Variants in ATP11A observed in about 807,000 individuals in gnomAD.
The protein encoded by ATP11A is ATPase phospholipid transporting 11A.
Under a neutral mutation model 154.4 loss-of-function variants are expected in ATP11A, and 81 were observed. The observed-to-expected ratio is 0.52, with a 90% CI of 0.44 to 0.63. ATP11A has a LOEUF of 0.63. Ranked by LOEUF, ATP11A falls within the 30% of genes least tolerant of loss-of-function variation. The pLI, the probability that ATP11A is intolerant of heterozygous loss-of-function variation, is 0.00. For synonymous variants in ATP11A, 623 were observed against 585.9 expected (o/e 1.06, Z -0.91); for missense variants, 1,316 against 1,474.3 (o/e 0.89, Z 1.76).
At chr13:112,731,945 G>GGA (rs1890528654) in intron 1 of ATP11A, among the ~76,000 whole-genome samples, 1 of 143,178 alleles carries the variant, frequency 7.0e-6, no homozygotes, top group East Asian at 2.1e-4. Flanking sequence ...GGCGGGGGGG[G>GGA]GCAGGTGGCC....
intron 1 of ATP11A, among the ~76,000 whole-genome samples, chr13:112,770,764 C>T (rs1051817632): frequency 1.3e-5 from 2 of 152,212 alleles, no homozygotes; most frequent in Non-Finnish European, 2.9e-5. Context: ...GCGCCGCTTC[C>T]CTGGACTGCT....
In ATP11A at chr13:112,883,505, CAGT is replaced by C. The variant is rs1164688441; in HGVS notation, c.*1642_*1644del. Reference sequence around the variant, plus strand: ...CAGAGGGTGTTTCCGAGGTGCTCGACAGTAGGTATTTTTGGAAGCTCAGATTTC... The same window carrying C: ...CAGAGGGTGTTTCCGAGGTGCTCGACAGGTATTTTTGGAAGCTCAGATTTC... On this transcript the variant is annotated 3_prime_UTR_variant, in exon 30 of 30. Transcript: ENST00000375645. 6.8e-6 allele frequency: 2 copies of C among 293,966 alleles called. No homozygotes were observed. The highest frequency in any genetic ancestry group is 4.3e-5 in the African/African-American group (2 of 46,128). The allele number at this position is 293,966 out of a possible 1,614,324, so 18.2% of individuals were successfully genotyped here. A position where few individuals can be genotyped will look rare whatever the true frequency, so the allele number is the denominator to read the frequency against.
At chr13:112,819,808 C>A in intron 7 of ATP11A, 92 bp from the exon 8 acceptor site, 1 of 1,354,138 alleles carries the variant, frequency 7.4e-7, no homozygotes, top group Non-Finnish European at 1.1e-6. Flanking sequence ...CAGGTGAAGA[C>A]GTGTGGCTCA....
At chr13:112,804,918 C>A in intron 2 of ATP11A, 39 bp from the exon 3 acceptor site, 1 of 1,347,894 alleles carries the variant, frequency 7.4e-7, no homozygotes, top group Non-Finnish European at 1.0e-6. Context: ...AGAGTAAAAT[C>A]TGATCTCAAT....
intron 1 of ATP11A, among the ~76,000 whole-genome samples, chr13:112,744,604 G>T (rs1204430460): frequency 1.3e-5 from 2 of 152,184 alleles, no homozygotes; most frequent in Admixed American, 6.5e-5. Flanking sequence ...CGGGTGAGCC[G>T]CTGCACTTCT....
At position 112,841,273 on chromosome 13, in the gene ATP11A, C is replaced by T. The variant is rs548286034; in HGVS notation, c.1706-1003C>T. 2.9e-4 allele frequency among the ~76,000 whole-genome samples: 42 copies of T among 142,570 alleles called. No homozygotes were observed. The East Asian group carries it at 8.2e-3, about 28-fold the overall frequency. The allele number at this position is 142,570 out of a possible 152,430, so 93.5% of individuals were successfully genotyped here. A position where few individuals can be genotyped will look rare whatever the true frequency, so the allele number is the denominator to read the frequency against. ...GAGGGGGCTCTGTGTGTCGGGAGCA[C>T]CTGCGCCCAGGCACAAACCAGCCGC... On this transcript the variant is annotated intron_variant, in intron 16 of 29. Transcript: ENST00000375645.
Position 112,858,194 on chromosome 13 carries a change from A to G in ATP11A, c.2571A>G (p.Ala857=). 1.9e-6 allele frequency: 3 copies of G among 1,614,076 alleles called. No individual in the cohort carries two copies. Among genetic ancestry groups the G allele is most frequent in the Non-Finnish European group, 2.5e-6 (3 of 1,180,016 alleles). Residue 857 remains alanine, a synonymous_variant, in exon 22 of 30, where the codon GCA becomes GCG. Transcript: ENST00000375645. The part of the protein sequence containing the change: ...GRQAARNSDY[A]IPKFKHLKKM... ...AGGCTGCCAGGAACAGCGACTATGC[A>G]ATCCCAAAGTTTAAGCATTTGAAGA...
chr13:112,729,065 G>T (rs1447948355), intron 1 of ATP11A, among the ~76,000 whole-genome samples: 4 of 152,198 alleles, frequency 2.6e-5, no homozygotes, highest in African/African-American at 9.6e-5. Flanking sequence ...TTTGTTCTCT[G>T]TTGAGAGTCC....
chr13:112,698,343 TG>T (rs1187921116), intron 1 of ATP11A, among the ~76,000 whole-genome samples: 1 of 152,218 alleles, frequency 6.6e-6, no homozygotes, highest in Admixed American at 6.5e-5. Context: ...CAGGCTTTTC[TG>T]GTTTGGTTGA....
intron 24 of ATP11A, among the ~76,000 whole-genome samples, chr13:112,862,088 C>T (rs1043842923): frequency 2.0e-5 from 3 of 152,236 alleles, no homozygotes; most frequent in African/African-American, 7.2e-5. Context: ...GGCGTCACGT[C>T]AGGCGTAAGG....
At chr13:112,870,486 C>T (rs2080480332) in intron 25 of ATP11A, among the ~76,000 whole-genome samples, 1 of 152,254 alleles carries the variant, frequency 6.6e-6, no homozygotes, top group Non-Finnish European at 1.5e-5. Flanking sequence ...TCAAGCAATT[C>T]TCCTGCCTCA....
chr13:112,835,580 A>G (rs282610), intron 15 of ATP11A, among the ~76,000 whole-genome samples: 55,474 of 152,028 alleles, frequency 0.36, 11,332 homozygotes, highest in African/African-American at 0.55. Flanking sequence ...GGGCTCTGCC[A>G]AGGGACCCCT....
At chr13:112,801,587 G>A (rs1010388503) in intron 2 of ATP11A, among the ~76,000 whole-genome samples, 3 of 152,202 alleles carry the variant, frequency 2.0e-5, no homozygotes, top group Non-Finnish European at 2.9e-5. Flanking sequence ...TGTTAGAGGC[G>A]ATTATAGCAT....
chr13:112,787,055 C>G (rs1238466103), intron 2 of ATP11A, among the ~76,000 whole-genome samples: 7 of 146,344 alleles, frequency 4.8e-5, no homozygotes, highest in Admixed American at 6.8e-5. Context: ...CTACTTAATT[C>G]ACACCGGGTG....
At position 112,842,008 on chromosome 13, in the gene ATP11A, A is replaced by G. The variant is rs1052164646; in HGVS notation, c.1706-268A>G. Among the ~76,000 whole-genome samples the G allele has an allele frequency of 3.3e-5, 5 of 152,312 alleles. No homozygotes were observed. In the East Asian group the frequency reaches 5.8e-4, roughly 18 times the overall value. On this transcript the variant is annotated intron_variant, in intron 16 of 29. Transcript: ENST00000375645. ...GTCCCCTTTCGTGTCTTTCCCAGAG[A>G]AAAAACAGAGTCCCGGAGCCAAGTT...
At chr13:112,723,165 T>C (rs907985511) in intron 1 of ATP11A, among the ~76,000 whole-genome samples, 10 of 151,682 alleles carry the variant, frequency 6.6e-5, no homozygotes, top group African/African-American at 2.4e-4. Context: ...GGCATCTTAG[T>C]GCCACAGAGT....
chr13:112,719,546 G>A (rs1888911030), intron 1 of ATP11A, among the ~76,000 whole-genome samples: 1 of 152,206 alleles, frequency 6.6e-6, no homozygotes, highest in African/African-American at 2.4e-5. Context: ...TAACGGGGCA[G>A]CGTCCGTTCT....
rs2275282 is a variant in ATP11A at position 112,806,310 on chromosome 13, C to T, written c.333+17C>T. On this transcript the variant is annotated intron_variant, in intron 4 of 29. Coordinates refer to ENST00000375645, the MANE Select transcript of ATP11A (RefSeq NM_015205.3). ...ATCAAACAGGTAAGCATTTTACAGA[C>T]GAAAAAGAAGCAATCGTCATCTTCA... is the stretch of plus-strand genomic sequence containing the variant. 8.1e-4 allele frequency: 1,291 copies of T among 1,591,970 alleles called. 11 individuals are homozygous for T. In the East Asian group the frequency reaches 0.022, roughly 27 times the overall value.
chr13:112,857,619 A>C (rs1353623051), intron 20 of ATP11A, among the ~76,000 whole-genome samples, 199 bp from the exon 21 acceptor site: 1 of 152,126 alleles, frequency 6.6e-6, no homozygotes, highest in Non-Finnish European at 1.5e-5. Flanking sequence ...CTTTTACTTT[A>C]TTTTGTTTTG....
Sources: gnomAD v4.1 joint callset for allele counts (sites outside exome capture counted in the v4.1 genomes callset) on GRCh38, gnomAD v4.1.1 for gene constraint, MANE v1.5 for transcripts, NCBI Gene and HGNC (gene_info 2026-07-23, HGNC 2026-07-21) for gene names.